The following RPP30 variants were observed in gnomAD, a reference collection of about 807,000 sequenced individuals.
RPP30 encodes ribonuclease P/MRP subunit p30.
Under a neutral mutation model 38.6 loss-of-function variants are expected in RPP30, and 36 were observed. That is an observed-to-expected ratio of 0.93 (90% CI 0.71 to 1.23). RPP30 has a LOEUF of 1.23. RPP30 is among the 50% of genes most tolerant of loss of function. The pLI is 0.00. For missense variants in RPP30, 321 were observed against 321.7 expected, an observed-to-expected ratio of 1.00 and a Z score of 0.02; for synonymous variants, 126 against 112.7, an observed-to-expected ratio of 1.12 and a Z score of -0.75.
chr10:90,895,377 T>C (rs1341249491), intron 7 of RPP30, 77 bp from the exon 8 acceptor site: 3 of 800,756 alleles, frequency 3.7e-6, no homozygotes, highest in Admixed American at 2.7e-5. Flanking sequence ...TAAAATATGA[T>C]TACTGGCTAT....
At chr10:90,895,715 TTC>T in intron 8 of RPP30, 163 bp from the exon 9 acceptor site, 1 of 545,450 alleles carries the variant, frequency 1.8e-6, no homozygotes, top group East Asian at 3.3e-5. Flanking sequence ...CCTTTCAAGC[TTC>T]TCTTATATTT....
intron 10 of RPP30, among the ~76,000 whole-genome samples, chr10:90,899,200 C>T (rs1376615752): frequency 2.6e-5 from 4 of 152,028 alleles, no homozygotes; most frequent in Non-Finnish European, 5.9e-5. Context: ...ATAAGTGTGA[C>T]GTTTTTCATT....
In RPP30 at chr10:90,898,034, AT is replaced by A. The variant is rs903032589; in HGVS notation, c.697+1650del. On this transcript the variant is annotated intron_variant, in intron 10 of 10. Coordinates refer to ENST00000371703, the MANE Select transcript of RPP30 (RefSeq NM_006413.5). ...TCATATACTAGACCTTGTTCATTCT[AT>A]TTTTTTTGTACCCATTAACCATCTT... Among the ~76,000 whole-genome samples the A allele has an allele frequency of 1.0e-3, 152 of 151,772 alleles. 1 individual carries two copies. Among genetic ancestry groups the A allele is most frequent in the Middle Eastern group, 3.4e-3 (1 of 294 alleles).
rs747258607 is a variant in RPP30, at chr10:90,876,097, T to G, written c.269T>G (p.Leu90Trp). The change falls in exon 4 of 11, where the codon TTG becomes TGG. Residue 90 changes from leucine (L) to tryptophan (W), a missense_variant and splice_region_variant. Transcript: ENST00000371703. ...IVSDPSHCNV[L>W]RATSSRARLY... ...TCGGATCCATCTCACTGCAATGTTT[T>G]GGTAAGTTAATTATTTTTCTTCTCT... The G allele has an allele frequency of 1.3e-6, 2 of 1,548,082 alleles. No individual in the cohort carries two copies. The highest frequency in any genetic ancestry group is 3.4e-5 in the Admixed American group (2 of 59,438).
At chr10:90,894,094 C>T (rs565799665) in intron 6 of RPP30, among the ~76,000 whole-genome samples, 2 of 152,164 alleles carry the variant, frequency 1.3e-5, no homozygotes, top group Admixed American at 6.5e-5. Flanking sequence ...TTTTGCTGTG[C>T]GGCTATAAGC....
downstream of RPP30, chr10:90,903,300 T>C (rs767600980): frequency 3.3e-6 from 5 of 1,523,402 alleles, no homozygotes; most frequent in Admixed American, 7.3e-5. Context: ...TATACATTTA[T>C]CTATTTTAAG....
At chr10:90,874,084 G>A (rs189413070) in intron 1 of RPP30, among the ~76,000 whole-genome samples, 102 of 151,368 alleles carry the variant, frequency 6.7e-4, no homozygotes, top group African/African-American at 2.5e-3. Flanking sequence ...ATTTGAGGGA[G>A]GAAGGGAAGA....
rs536818687 is a variant in RPP30 at position 90,884,620 on chromosome 10, A to G, written c.343-1192A>G. Among the ~76,000 whole-genome samples the G allele has an allele frequency of 2.9e-3, 446 of 152,318 alleles. 11 individuals are homozygous for G. The Middle Eastern group carries it at 0.044, about 15-fold the overall frequency. On this transcript the variant is annotated intron_variant, in intron 5 of 10. Transcript: ENST00000371703. ...CAAAACAACATTGCTTCCCAGGCTT[A>G]CTAAGTTACTATGACTGTCTTAAAG...
chr10:90,887,043 C>T (rs1847010637), intron 6 of RPP30, among the ~76,000 whole-genome samples: 1 of 152,182 alleles, frequency 6.6e-6, no homozygotes, highest in African/African-American at 2.4e-5. Context: ...TCATAGCTCA[C>T]TGCAGCCTCA....
intron 10 of RPP30, among the ~76,000 whole-genome samples, chr10:90,898,053 A>G (rs1413973031): frequency 6.6e-6 from 1 of 152,116 alleles, no homozygotes; most frequent in Admixed American, 6.5e-5. Context: ...GTACCCATTA[A>G]CCATCTTCAC....
chr10:90,895,811 A>AGTC, intron 8 of RPP30, 69 bp from the exon 9 acceptor site: 1 of 1,133,726 alleles, frequency 8.8e-7, no homozygotes, highest in Non-Finnish European at 1.3e-6. Context: ...TTTTCTATTA[A>AGTC]TTTGCTATAA....
downstream of RPP30, among the ~76,000 whole-genome samples, chr10:90,907,695 TAC>T (rs1847268380): frequency 6.6e-6 from 1 of 152,214 alleles, no homozygotes. Flanking sequence ...GTGTTCCTGC[TAC>T]CTGGAACACT....
chr10:90,879,407 A>G (rs996073675), intron 5 of RPP30, among the ~76,000 whole-genome samples: 1 of 152,140 alleles, frequency 6.6e-6, no homozygotes. Context: ...CATTCATTCA[A>G]AACTTCTCTT....
chr10:90,876,117 T>C lies in RPP30; in HGVS notation c.270+19T>C. On this transcript the variant is annotated intron_variant, in intron 4 of 10. Coordinates refer to ENST00000371703, the MANE Select transcript of RPP30 (RefSeq NM_006413.5). ...TGTTTTGGTAAGTTAATTATTTTTC[T>C]TCTCTCCTTTTGGCTTTGTGAGTTG... is the stretch of plus-strand genomic sequence containing the variant. 1 of 1,454,572 alleles carries C rather than the reference T, an allele frequency of 6.9e-7. No homozygotes were observed. The highest frequency in any genetic ancestry group is 1.2e-5 in the South Asian group (1 of 86,764). The allele number at this position is 1,454,572 out of a possible 1,614,324, so 90.1% of individuals were successfully genotyped here.
chr10:90,872,939 C>G (rs971231105), intron 1 of RPP30, among the ~76,000 whole-genome samples: 1 of 152,182 alleles, frequency 6.6e-6, no homozygotes, highest in Non-Finnish European at 1.5e-5. Flanking sequence ...TGGTACTTTG[C>G]TCATCAGCAC....
At position 90,901,939 on chromosome 10, in the gene RPP30, C is replaced by T. The variant is rs888857568; in HGVS notation, c.*1260C>T. ...GTTCATGCCATTCTCCTGCCTCAGC[C>T]TCCTGAGTAGCTGGGACTACAGGCG... On this transcript the variant is annotated 3_prime_UTR_variant, in exon 11 of 11. Coordinates refer to ENST00000371703, the MANE Select transcript of RPP30 (RefSeq NM_006413.5). The T allele has an allele frequency of 2.4e-6, 1 of 411,014 alleles. No homozygotes were observed. The allele number at this position is 411,014 out of a possible 1,614,324, so 25.5% of individuals were successfully genotyped here.
At chr10:90,889,693 T>C (rs1847050249) in intron 6 of RPP30, among the ~76,000 whole-genome samples, 5 of 152,140 alleles carry the variant, frequency 3.3e-5, no homozygotes, top group Admixed American at 2.6e-4. Flanking sequence ...CCAGATGCCA[T>C]GTGAGAATCA....
chr10:90,907,226 A>C (rs1045554046), downstream of RPP30, among the ~76,000 whole-genome samples: 1 of 152,186 alleles, frequency 6.6e-6, no homozygotes, highest in Non-Finnish European at 1.5e-5. Context: ...AGACATCAGC[A>C]CTGGCAAGAG....
chr10:90,892,475 G>A (rs1003293059), intron 6 of RPP30, among the ~76,000 whole-genome samples: 2 of 151,940 alleles, frequency 1.3e-5, no homozygotes, highest in Non-Finnish European at 2.9e-5. Flanking sequence ...TAATTATGCT[G>A]ATAATATCCT....
Sources: gnomAD v4.1 joint callset for allele counts (sites outside exome capture counted in the v4.1 genomes callset) on GRCh38, gnomAD v4.1.1 for gene constraint, MANE v1.5 for transcripts, NCBI Gene and HGNC (gene_info 2026-07-23, HGNC 2026-07-21) for gene names.